ZFHX3: variants seen among roughly 807,000 people sequenced by gnomAD.
ZFHX3 encodes zinc finger homeobox protein 3.
Under a neutral mutation model 279.1 loss-of-function variants are expected in ZFHX3, and 42 were observed. That is an observed-to-expected ratio of 0.15 (90% CI 0.12 to 0.19). The LOEUF is 0.19. Among genes scored for constraint, ZFHX3 ranks in the 10% least tolerant of loss-of-function variants. ZFHX3 has a pLI of 1.00. For missense variants in ZFHX3, 4,981 were observed against 4,754.0 expected (o/e 1.05, Z -1.40); for synonymous variants, 2,293 against 1,957.8 (o/e 1.17, Z -4.52).
At chr16:73,047,589 G>A (rs1965344606) in intron 1 of ZFHX3, among the ~76,000 whole-genome samples, 163 bp downstream of exon 1, 1 of 152,166 alleles carries the variant, frequency 6.6e-6, no homozygotes, top group African/African-American at 2.4e-5. Context: ...GAATTTAGGC[G>A]CTCTCACCCT....
At chr16:73,493,578 C>G (rs2019088601) in intron 2 of ZFHX3, among the ~76,000 whole-genome samples, 1 of 152,202 alleles carries the variant, frequency 6.6e-6, no homozygotes, top group Non-Finnish European at 1.5e-5. Flanking sequence ...CAGGGCCAGG[C>G]TGGCCCACTG....
chr16:72,798,497 A>G lies in ZFHX3; in HGVS notation c.4185T>C (p.Asp1395=), dbSNP rs573250886. 2.5e-6 allele frequency: 4 copies of G among 1,614,214 alleles called. No homozygotes were observed. The highest frequency in any genetic ancestry group is 3.4e-6 in the Non-Finnish European group (4 of 1,180,028). The change falls in exon 9 of 10, where the codon GAT becomes GAC. Residue 1395 remains aspartate, a synonymous_variant. Transcript: ENST00000268489. Reference sequence around the variant, plus strand: ...TACAGCGGTACTTGTACACATGGCGATCTGACACCGGCAGCTGAGGCCTCT... The same window carrying G: ...TACAGCGGTACTTGTACACATGGCGGTCTGACACCGGCAGCTGAGGCCTCT... The part of the protein sequence containing the change: ...HAKRPQLPVS[D]RHVYKYRCNQ...
intron 1 of ZFHX3, among the ~76,000 whole-genome samples, chr16:72,980,457 A>G (rs1381407547): frequency 6.6e-6 from 1 of 152,144 alleles, no homozygotes; most frequent in Non-Finnish European, 1.5e-5. Flanking sequence ...GGATTAGATC[A>G]TGTTAATAAT....
chr16:73,412,228 G>A (rs62042247), intron 3 of ZFHX3, among the ~76,000 whole-genome samples: 44,442 of 150,900 alleles, frequency 0.29, 6,813 homozygotes, highest in Middle Eastern at 0.41. Flanking sequence ...TCAGGAGGCT[G>A]AGAAGGGAGG....
intron 5 of ZFHX3, among the ~76,000 whole-genome samples, chr16:72,823,613 G>T (rs1597279004): frequency 6.6e-6 from 1 of 152,188 alleles, no homozygotes; most frequent in African/African-American, 2.4e-5. Flanking sequence ...TTTATCCAGG[G>T]TATATTAACT....
intron 1 of ZFHX3, among the ~76,000 whole-genome samples, chr16:73,814,015 T>C (rs1960495588): frequency 1.3e-5 from 2 of 152,244 alleles, no homozygotes; most frequent in African/African-American, 4.8e-5. Context: ...GTAAGTGAGT[T>C]TGCCTTCCCT....
chr16:72,948,977 G>A (rs1960838984), intron 3 of ZFHX3, among the ~76,000 whole-genome samples: 1 of 152,152 alleles, frequency 6.6e-6, no homozygotes, highest in Non-Finnish European at 1.5e-5. Flanking sequence ...TTGGATGCGT[G>A]GTGTCCAGAC....
At chr16:73,164,907 G>C (rs1967324009) in intron 5 of ZFHX3, among the ~76,000 whole-genome samples, 1 of 152,146 alleles carries the variant, frequency 6.6e-6, no homozygotes, top group South Asian at 2.1e-4. Flanking sequence ...CTTGAGGTTA[G>C]ACAGCTAATG....
chr16:73,775,075 C>G (rs935354746), intron 1 of ZFHX3, among the ~76,000 whole-genome samples: 4 of 152,160 alleles, frequency 2.6e-5, no homozygotes, highest in African/African-American at 9.6e-5. Flanking sequence ...AGTATAGACA[C>G]AGCTTAAGGG....
chr16:73,689,582 A>G (rs1352509166), intron 1 of ZFHX3, among the ~76,000 whole-genome samples: 1 of 152,082 alleles, frequency 6.6e-6, no homozygotes, highest in Non-Finnish European at 1.5e-5. Flanking sequence ...CAGCTGCCTG[A>G]CTTAGAGGGA....
intron 5 of ZFHX3, among the ~76,000 whole-genome samples, chr16:73,151,639 G>A (rs1365881532): frequency 6.6e-6 from 1 of 152,090 alleles, no homozygotes; most frequent in African/African-American, 2.4e-5. Flanking sequence ...CATTCTGCAG[G>A]TGCCCGAGAA....
At chr16:73,032,207 T>A (rs1014907845) in intron 1 of ZFHX3, among the ~76,000 whole-genome samples, 2 of 151,926 alleles carry the variant, frequency 1.3e-5, no homozygotes, top group Non-Finnish European at 2.9e-5. Context: ...GGGACTGAGG[T>A]GGGAGGATCG....
chr16:73,818,459 G>C (rs1960641375), intron 1 of ZFHX3, among the ~76,000 whole-genome samples: 1 of 152,160 alleles, frequency 6.6e-6, no homozygotes, highest in Non-Finnish European at 1.5e-5. Context: ...GAGAGGTCCT[G>C]TCATCAACGC....
chr16:73,618,334 G>A (rs1352926560), intron 2 of ZFHX3, among the ~76,000 whole-genome samples: 1 of 152,150 alleles, frequency 6.6e-6, no homozygotes, highest in East Asian at 1.9e-4. Flanking sequence ...CACCACAAAT[G>A]CAAAGATAGA....
intron 3 of ZFHX3, among the ~76,000 whole-genome samples, chr16:73,358,689 C>A (rs149043444): frequency 6.6e-6 from 1 of 152,148 alleles, no homozygotes; most frequent in Non-Finnish European, 1.5e-5. Context: ...AGACAGGGTA[C>A]GCTTTAGGGG....
chr16:73,721,655 G>C (rs2053474967), intron 1 of ZFHX3, among the ~76,000 whole-genome samples: 1 of 152,160 alleles, frequency 6.6e-6, no homozygotes, highest in South Asian at 2.1e-4. Flanking sequence ...AGCGATGTTT[G>C]GTTCTCCTGC....
chr16:73,765,651 C>T (rs1208069015), intron 1 of ZFHX3, among the ~76,000 whole-genome samples: 1 of 152,216 alleles, frequency 6.6e-6, no homozygotes. Context: ...GGTTCAAGGC[C>T]AGTTATCAGT....
intron 7 of ZFHX3, among the ~76,000 whole-genome samples, chr16:73,100,876 G>C (rs1437073940): frequency 6.6e-6 from 1 of 152,016 alleles, no homozygotes; most frequent in Non-Finnish European, 1.5e-5. Flanking sequence ...AGATTACATG[G>C]GTGAGTCACC....
intron 5 of ZFHX3, among the ~76,000 whole-genome samples, chr16:73,244,426 A>C (rs2013219684): frequency 6.6e-6 from 1 of 152,152 alleles, no homozygotes; most frequent in Non-Finnish European, 1.5e-5. Context: ...TTCGAGAATG[A>C]TTTTCACACA....
Sources: allele counts gnomAD v4.1 joint callset (sites outside exome capture counted in the v4.1 genomes callset), GRCh38; gene constraint gnomAD v4.1.1; transcripts MANE v1.5; gene names NCBI Gene and HGNC (gene_info 2026-07-23, HGNC 2026-07-21).